SETDB1: variants seen among roughly 807,000 people sequenced by gnomAD.
SETDB1 encodes the protein SET domain bifurcated histone lysine methyltransferase 1, also known as histone-lysine N-methyltransferase SETDB1.
In SETDB1, 31 loss-of-function variants were observed where a neutral mutation model predicts 137.4. The observed-to-expected ratio is 0.23, with a 90% CI of 0.17 to 0.30. The LOEUF is 0.30. Ranked by LOEUF, SETDB1 falls within the 10% of genes least tolerant of loss-of-function variation. The pLI is 1.00. For missense variants in SETDB1, 1,113 were observed against 1,631.5 expected (o/e 0.68, Z 5.47); for synonymous variants, 548 against 579.9 (o/e 0.95, Z 0.79).
rs1021161904 is a variant in SETDB1 at position 150,964,726 on chromosome 1, T to C, written c.*362T>C. ...ATTTCTTGAAAGTCTTTTAACAATA[T>C]GATAAAACTAAGATTGTGGTTTTGT... On this transcript the variant is annotated 3_prime_UTR_variant, in exon 22 of 22. Coordinates refer to ENST00000692827, the MANE Select transcript of SETDB1 (RefSeq NM_001366418.1). 53 of 568,616 alleles carry C rather than the reference T, an allele frequency of 9.3e-5. No homozygotes were observed. The highest frequency in any genetic ancestry group is 9.2e-4 in the African/African-American group (49 of 53,474). The allele number at this position is 568,616 out of a possible 1,614,324, so 35.2% of individuals were successfully genotyped here. A position where few individuals can be genotyped will look rare whatever the true frequency, so the allele number is the denominator to read the frequency against.
chr1:150,962,946 C>G (rs1670868763), intron 18 of SETDB1, 28 bp from the exon 19 acceptor site: 1 of 1,608,422 alleles, frequency 6.2e-7, no homozygotes, highest in Non-Finnish European at 8.5e-7. Context: ...ATTTACTTCT[C>G]TTACTTCTTA....
chr1:150,962,389 G>C (rs1466021815), intron 17 of SETDB1, among the ~76,000 whole-genome samples, 198 bp from the exon 18 acceptor site: 1 of 152,070 alleles, frequency 6.6e-6, no homozygotes, highest in Non-Finnish European at 1.5e-5. Context: ...GACTGGTCTT[G>C]AACTCCTGGG....
chr1:150,942,108 C>G (rs1670182418), intron 5 of SETDB1, among the ~76,000 whole-genome samples: 1 of 147,712 alleles, frequency 6.8e-6, no homozygotes, highest in Non-Finnish European at 1.5e-5. Flanking sequence ...CCACTGCACT[C>G]CAGCCTGGGC....
chr1:150,959,079 A>C, intron 14 of SETDB1, 99 bp from the exon 15 acceptor site: 1 of 838,496 alleles, frequency 1.2e-6, no homozygotes, highest in Non-Finnish European at 1.8e-6. Context: ...TCCACAACAC[A>C]TTATAAATGA....
intron 3 of SETDB1, among the ~76,000 whole-genome samples, chr1:150,933,368 C>CTTTTTTTTTT (rs71090112): frequency 0.096 from 11,325 of 117,898 alleles, 1,051 homozygotes; most frequent in Middle Eastern, 0.17. Flanking sequence ...CCTATTTTGT[C>CTTTTTTTTTT]TTTTTTTTTT....
Position 150,960,573 on chromosome 1 carries a change from G to A in SETDB1, c.2514G>A (p.Leu838=). 1.2e-6 allele frequency: 2 copies of A among 1,612,598 alleles called. No individual in the cohort carries two copies. Among genetic ancestry groups the A allele is most frequent in the Non-Finnish European group, 1.7e-6 (2 of 1,179,524 alleles). The change falls in exon 16 of 22, where the codon CTG becomes CTA. Residue 838 remains leucine (L), a synonymous_variant. Coordinates refer to ENST00000692827, the MANE Select transcript of SETDB1 (RefSeq NM_001366418.1). ...TCTCTTCATTCTCAGGCAAAATCCTGACAGATGACTTTGCAGACAAGGAGG... is the reference window on the plus strand; with the variant it reads ...TCTCTTCATTCTCAGGCAAAATCCTAACAGATGACTTTGCAGACAAGGAGG... ...SFVCIYAGKI[L]TDDFADKEGL...
intron 3 of SETDB1, among the ~76,000 whole-genome samples, chr1:150,934,314 T>C (rs1669879099): frequency 6.6e-6 from 1 of 151,828 alleles, no homozygotes; most frequent in African/African-American, 2.4e-5. Context: ...CTACTAAAAA[T>C]ACAAAAAAAT....
chr1:150,927,557 C>T (rs1295783716), intron 1 of SETDB1, 147 bp from the exon 2 acceptor site: 4 of 679,852 alleles, frequency 5.9e-6, no homozygotes, highest in African/African-American at 1.8e-5. Flanking sequence ...GCATCAGATT[C>T]TGGAGAATAG....
intron 3 of SETDB1, among the ~76,000 whole-genome samples, chr1:150,931,261 C>CAAATAAAAAAA (rs1669728573): frequency 1.5e-5 from 1 of 67,480 alleles, no homozygotes; most frequent in Non-Finnish European, 3.0e-5. Context: ...CTCTTGTCTT[C>CAAATAAAAAAA]AAAAAAAAAA....
At chr1:150,952,616 CGCCTGTAATCCCA>C (rs1292683892) in intron 14 of SETDB1, among the ~76,000 whole-genome samples, 1 of 152,032 alleles carries the variant, frequency 6.6e-6, no homozygotes, top group Non-Finnish European at 1.5e-5. Context: ...CAGTGGCTCA[CGCCTGTAATCCCA>C]GCACTTTGGG....
chr1:150,949,037 T>G (rs888801060), intron 10 of SETDB1, 85 bp from the exon 11 acceptor site: 1 of 1,321,704 alleles, frequency 7.6e-7, no homozygotes, highest in Admixed American at 2.1e-5. Flanking sequence ...CTTTTTATAT[T>G]GTATAAGTTA....
At chr1:150,934,472 C>A (rs894731006) in intron 3 of SETDB1, among the ~76,000 whole-genome samples, 2 of 152,040 alleles carry the variant, frequency 1.3e-5, no homozygotes, top group African/African-American at 4.8e-5. Flanking sequence ...GACTCCATCT[C>A]AAAAAATATA....
intron 7 of SETDB1, among the ~76,000 whole-genome samples, 174 bp from the exon 8 acceptor site, chr1:150,943,746 A>G (rs148634917): frequency 0.013 from 2,000 of 152,338 alleles, 23 homozygotes; most frequent in Non-Finnish European, 0.019. Flanking sequence ...GAGAACTCCT[A>G]ACTCTCAAGT....
At chr1:150,942,382 A>G (rs1317597616) in intron 5 of SETDB1, among the ~76,000 whole-genome samples, 181 bp from the exon 6 acceptor site, 1 of 149,304 alleles carries the variant, frequency 6.7e-6, no homozygotes, top group African/African-American at 2.5e-5. Context: ...AGGGAGGCGG[A>G]GGTTCCAGTG....
At chr1:150,953,926 C>G (rs1571653816) in intron 14 of SETDB1, among the ~76,000 whole-genome samples, 1 of 151,778 alleles carries the variant, frequency 6.6e-6, no homozygotes, top group East Asian at 1.9e-4. Context: ...GTGATCTCAG[C>G]TCACTGCAAG....
At position 150,939,972 on chromosome 1, in the gene SETDB1, A is replaced by G; in HGVS notation, c.445A>G (p.Lys149Glu). ...TGGGAGCAGAACTCCAAAAGACCAG[A>G]AGGTAAGTTAGGATGGTAAGGGAAG... ...DAGSRTPKDQ[K>E]LREAMAALRK... Residue 149 changes from lysine to glutamate, a missense_variant and splice_region_variant, in exon 4 of 22, where the codon AAG becomes GAG. Coordinates refer to ENST00000692827, the MANE Select transcript of SETDB1 (RefSeq NM_001366418.1). 6.2e-7 allele frequency: 1 copy of G among 1,612,278 alleles called. No individual in the cohort carries two copies. The highest frequency in any genetic ancestry group is 8.5e-7 in the Non-Finnish European group (1 of 1,178,490).
In SETDB1 at chr1:150,960,873, C is replaced by T. The variant is rs587615660; in HGVS notation, c.2814C>T (p.Asn938=). Reference sequence around the variant, plus strand: ...GGCAGACCCGGGGCCAGAAAGAGAACGGACTCTCTGAGACAACTTCCAAGG... The same window carrying T: ...GGCAGACCCGGGGCCAGAAAGAGAATGGACTCTCTGAGACAACTTCCAAGG... The part of the protein sequence containing the change: ...TRRQTRGQKE[N]GLSETTSKDS... The change falls in exon 16 of 22, where the codon AAC becomes AAT. Residue 938 remains asparagine, a synonymous_variant. Coordinates refer to ENST00000692827, the MANE Select transcript of SETDB1 (RefSeq NM_001366418.1). 4.9e-5 allele frequency: 79 copies of T among 1,608,808 alleles called. 1 individual carries two copies. Among genetic ancestry groups the T allele is most frequent in the Admixed American group, 1.2e-4 (7 of 59,628 alleles).
At chr1:150,961,998 T>G in intron 16 of SETDB1, 132 bp from the exon 17 acceptor site, 1 of 1,066,024 alleles carries the variant, frequency 9.4e-7, no homozygotes, top group South Asian at 1.3e-5. Flanking sequence ...TGCAGAGTGG[T>G]TTACCCACCC....
chr1:150,939,317 A>AT (rs1447212441), intron 3 of SETDB1, among the ~76,000 whole-genome samples: 2 of 140,240 alleles, frequency 1.4e-5, no homozygotes, highest in East Asian at 2.1e-4. Flanking sequence ...TGAACTATAC[A>AT]TTTTTATTTT....
Sources: allele counts gnomAD v4.1 joint callset (sites outside exome capture counted in the v4.1 genomes callset), GRCh38; gene constraint gnomAD v4.1.1; transcripts MANE v1.5; gene names NCBI Gene and HGNC (gene_info 2026-07-23, HGNC 2026-07-21).